PRKG1: variants seen among roughly 807,000 people sequenced by gnomAD.
The protein encoded by PRKG1 is cGMP-dependent protein kinase 1.
A neutral mutation model predicts 88.1 loss-of-function variants in PRKG1; 35 were observed. That is an observed-to-expected ratio of 0.40 (90% confidence interval 0.30 to 0.53). PRKG1 has a LOEUF of 0.53. PRKG1 is among the 20% of genes least tolerant of loss of function. The pLI is 0.59. For missense variants in PRKG1, 540 were observed against 839.8 expected (o/e 0.64, Z 4.41); for synonymous variants, 303 against 292.5 (o/e 1.04, Z -0.37).
At chr10:51,052,038 T>G (rs974485600) in intron 1 of PRKG1, among the ~76,000 whole-genome samples, 18 of 152,316 alleles carry the variant, frequency 1.2e-4, no homozygotes, top group African/African-American at 3.6e-4. Context: ...TTATGCTTAT[T>G]TAAAATATAT....
At chr10:52,124,906 G>A (rs887075557) in intron 7 of PRKG1, among the ~76,000 whole-genome samples, 2 of 152,110 alleles carry the variant, frequency 1.3e-5, no homozygotes, top group Middle Eastern at 3.4e-3. Context: ...CCACCTCTAC[G>A]TCTTGTCCCC....
intron 2 of PRKG1, among the ~76,000 whole-genome samples, chr10:51,410,345 C>A (rs983701093): frequency 4.0e-4 from 60 of 150,984 alleles, no homozygotes; most frequent in African/African-American, 1.4e-3. Context: ...CCACAATAGG[C>A]CATCTACAAG....
chr10:52,216,221 G>A (rs1840107539), intron 9 of PRKG1, among the ~76,000 whole-genome samples: 1 of 152,134 alleles, frequency 6.6e-6, no homozygotes, highest in Non-Finnish European at 1.5e-5. Flanking sequence ...AACAAGGATT[G>A]CCAAGCACAG....
chr10:51,913,550 C>T (rs75847688), intron 5 of PRKG1, among the ~76,000 whole-genome samples: 1,907 of 152,236 alleles, frequency 0.013, 35 homozygotes, highest in African/African-American at 0.041. Context: ...TCTTCAAGAA[C>T]AAATGAGAGT....
intron 1 of PRKG1, among the ~76,000 whole-genome samples, chr10:51,025,976 A>G (rs191976693): frequency 3.3e-5 from 5 of 152,296 alleles, no homozygotes; most frequent in African/African-American, 9.6e-5. Context: ...CCCCTAATCT[A>G]ATATGACTGA....
At chr10:51,962,128 C>G (rs1452636493) in intron 5 of PRKG1, among the ~76,000 whole-genome samples, 1 of 152,130 alleles carries the variant, frequency 6.6e-6, no homozygotes, top group East Asian at 1.9e-4. Context: ...CTGGAAGACT[C>G]TTGGTTGGGA....
chr10:51,761,342 T>G (rs1838017410), intron 3 of PRKG1, among the ~76,000 whole-genome samples: 1 of 152,244 alleles, frequency 6.6e-6, no homozygotes, highest in Admixed American at 6.5e-5. Flanking sequence ...CTTTTTGTTA[T>G]GGTGGAAATT....
At chr10:52,184,434 T>C (rs1839132067) in intron 9 of PRKG1, among the ~76,000 whole-genome samples, 1 of 152,228 alleles carries the variant, frequency 6.6e-6, no homozygotes, top group Non-Finnish European at 1.5e-5. Flanking sequence ...CCAGTGTTTA[T>C]CAAATTATAA....
At chr10:51,642,906 C>G (rs1246474341) in intron 3 of PRKG1, among the ~76,000 whole-genome samples, 1 of 152,146 alleles carries the variant, frequency 6.6e-6, no homozygotes, top group Non-Finnish European at 1.5e-5. Context: ...GCATTTTGAG[C>G]TCTCTGAAAT....
intron 2 of PRKG1, among the ~76,000 whole-genome samples, chr10:51,181,190 T>A (rs1837332088): frequency 6.6e-6 from 1 of 150,592 alleles, no homozygotes; most frequent in Non-Finnish European, 1.5e-5. Flanking sequence ...AAACAGCACT[T>A]TGCAAATAAA....
chr10:51,620,927 T>C (rs1313312786), intron 3 of PRKG1, among the ~76,000 whole-genome samples: 3 of 150,940 alleles, frequency 2.0e-5, no homozygotes, highest in East Asian at 3.9e-4. Context: ...TGGAATCCAC[T>C]GCAATTTCAA....
chr10:51,129,377 G>A (rs945622583), intron 1 of PRKG1, among the ~76,000 whole-genome samples: 2 of 151,966 alleles, frequency 1.3e-5, no homozygotes, highest in Non-Finnish European at 2.9e-5. Context: ...CCCGAGAGGC[G>A]GGGGTTGCAG....
intron 5 of PRKG1, among the ~76,000 whole-genome samples, chr10:51,923,711 T>G (rs1842511277): frequency 1.3e-5 from 2 of 152,082 alleles, no homozygotes; most frequent in Non-Finnish European, 2.9e-5. Context: ...GATCTATTCA[T>G]AATCTATAAT....
intron 1 of PRKG1, among the ~76,000 whole-genome samples, chr10:51,115,698 G>A (rs532006790): frequency 2.8e-4 from 42 of 151,678 alleles, no homozygotes; most frequent in African/African-American, 7.2e-4. Context: ...ATTAGCCAGC[G>A]TGGTGACGCG....
At chr10:51,892,142 T>C (rs1250397457) in intron 4 of PRKG1, among the ~76,000 whole-genome samples, 2 of 152,162 alleles carry the variant, frequency 1.3e-5, no homozygotes, top group Non-Finnish European at 2.9e-5. Flanking sequence ...AATACGTTAA[T>C]AGATATTCCC....
At chr10:51,277,334 T>C (rs1248001157) in intron 2 of PRKG1, among the ~76,000 whole-genome samples, 1 of 152,226 alleles carries the variant, frequency 6.6e-6, no homozygotes, top group African/African-American at 2.4e-5. Flanking sequence ...TCTGTTTTGG[T>C]ACCAGTACCA....
chr10:51,378,181 G>A (rs1842852631), intron 2 of PRKG1, among the ~76,000 whole-genome samples: 1 of 152,226 alleles, frequency 6.6e-6, no homozygotes, highest in Admixed American at 6.5e-5. Flanking sequence ...CTAAAATGCT[G>A]CTGCAAAAAG....
intron 4 of PRKG1, among the ~76,000 whole-genome samples, chr10:51,870,233 G>A (rs977768094): frequency 1.3e-5 from 2 of 152,094 alleles, no homozygotes; most frequent in Non-Finnish European, 2.9e-5. Context: ...GGTGTTATAG[G>A]TGCCCAAATC....
At chr10:51,364,074 C>T (rs1400428102) in intron 2 of PRKG1, among the ~76,000 whole-genome samples, 1 of 151,978 alleles carries the variant, frequency 6.6e-6, no homozygotes, top group East Asian at 1.9e-4. Context: ...AGGACATGCT[C>T]AGCCTTCTTA....
Sources: allele counts gnomAD v4.1 joint callset (sites outside exome capture counted in the v4.1 genomes callset), GRCh38; gene constraint gnomAD v4.1.1; transcripts MANE v1.5; gene names NCBI Gene and HGNC (gene_info 2026-07-23, HGNC 2026-07-21).